The following PRDM1 variants were observed in gnomAD, a reference collection of about 807,000 sequenced individuals.
The protein encoded by PRDM1 is PR/SET domain 1.
A neutral mutation model predicts 62.8 loss-of-function variants in PRDM1; 13 were observed. The observed-to-expected ratio is 0.21, with a 90% CI of 0.13 to 0.33. PRDM1 has a LOEUF of 0.33. Ranked by LOEUF, PRDM1 falls within the 10% of genes least tolerant of loss-of-function variation. The pLI is 1.00. For synonymous variants in PRDM1, 396 were observed against 417.6 expected, an observed-to-expected ratio of 0.95 and a Z score of 0.63; for missense variants, 895 against 1,058.8, an observed-to-expected ratio of 0.85 and a Z score of 2.15.
rs2114662226 is a variant in PRDM1 at position 106,107,012 on chromosome 6, C to T, written c.2004C>T (p.Phe668=). Residue 668 remains phenylalanine, a synonymous_variant, in exon 7 of 7, where the codon TTC becomes TTT. Transcript: ENST00000369096. ...PYQCKVCPAK[F]TQFVHLKLHK... is the part of the protein sequence containing the mutation. ...AATGCAAGGTGTGCCCTGCCAAGTT[C>T]ACCCAGTTTGTGCACCTGAAACTGC... 6.2e-7 allele frequency: 1 copy of T among 1,614,202 alleles called. No individual in the cohort carries two copies. The highest frequency in any genetic ancestry group is 8.5e-7 in the Non-Finnish European group (1 of 1,180,052).
At chr6:106,024,943 AT>A (rs1397296538) in intron 1 of PRDM1, among the ~76,000 whole-genome samples, 2 of 152,160 alleles carry the variant, frequency 1.3e-5, no homozygotes, top group African/African-American at 4.8e-5. Context: ...GGTGTTGGGC[AT>A]TTGGCACTTG....
chr6:106,056,197 G>T (rs78237928), intron 1 of PRDM1, among the ~76,000 whole-genome samples: 1,995 of 152,208 alleles, frequency 0.013, 50 homozygotes, highest in African/African-American at 0.045. Flanking sequence ...GTATAGCCCA[G>T]CAGGACTTGG....
At chr6:106,104,361 G>A (rs1308061169) in intron 4 of PRDM1, among the ~76,000 whole-genome samples, 15 of 152,046 alleles carry the variant, frequency 9.9e-5, no homozygotes, top group African/African-American at 2.9e-4. Flanking sequence ...ACAGGTGTGC[G>A]CCACCACGCC....
intron 1 of PRDM1, among the ~76,000 whole-genome samples, chr6:106,073,665 C>A (rs1389615748): frequency 6.6e-6 from 1 of 152,112 alleles, no homozygotes; most frequent in Admixed American, 6.5e-5. Context: ...AAGATCACAA[C>A]TTAGTAAGTG....
chr6:106,056,820 C>A (rs1562155083), intron 1 of PRDM1, among the ~76,000 whole-genome samples: 1 of 152,174 alleles, frequency 6.6e-6, no homozygotes, highest in Non-Finnish European at 1.5e-5. Context: ...TATTCAGCCT[C>A]CTCAGTTCTG....
intron 1 of PRDM1, among the ~76,000 whole-genome samples, chr6:106,070,964 A>G (rs1427499709): frequency 2.6e-5 from 4 of 152,206 alleles, no homozygotes; most frequent in African/African-American, 9.6e-5. Flanking sequence ...TGTTTGAACC[A>G]TCTACATTAA....
intron 1 of PRDM1, among the ~76,000 whole-genome samples, chr6:106,033,818 G>T (rs563694707): frequency 6.6e-6 from 1 of 151,964 alleles, no homozygotes; most frequent in Admixed American, 6.5e-5. Flanking sequence ...AGAAGAATTG[G>T]TGTTAGTTCT....
chr6:106,080,696 C>CA (rs1270501402), intron 1 of PRDM1, among the ~76,000 whole-genome samples: 2 of 152,178 alleles, frequency 1.3e-5, no homozygotes, highest in African/African-American at 4.8e-5. Flanking sequence ...ATCATGGTGG[C>CA]AGTACACATC....
At chr6:106,027,649 G>A (rs1032080297) in intron 1 of PRDM1, among the ~76,000 whole-genome samples, 1 of 152,162 alleles carries the variant, frequency 6.6e-6, no homozygotes, top group African/African-American at 2.4e-5. Context: ...GGGAGAGAAT[G>A]AGAGTGGATC....
chr6:106,092,560 C>T (rs1773994168), intron 2 of PRDM1, among the ~76,000 whole-genome samples: 1 of 152,218 alleles, frequency 6.6e-6, no homozygotes, highest in Non-Finnish European at 1.5e-5. Context: ...TTAAGCTACA[C>T]ACCAAGTTCC....
chr6:106,057,572 T>C (rs1773284823), intron 1 of PRDM1, among the ~76,000 whole-genome samples: 1 of 152,194 alleles, frequency 6.6e-6, no homozygotes, highest in African/African-American at 2.4e-5. Flanking sequence ...AATCTACTGG[T>C]TTACTGCACA....
At chr6:106,084,575 A>G (rs1308109105), upstream of PRDM1, among the ~76,000 whole-genome samples, 1 of 152,168 alleles carries the variant, frequency 6.6e-6, no homozygotes, top group African/African-American at 2.4e-5. Flanking sequence ...TTGATTCTAA[A>G]AGGGAAGTGA....
intron 1 of PRDM1, among the ~76,000 whole-genome samples, chr6:105,998,933 A>ATATTT (rs1290453454): frequency 1.9e-3 from 12 of 6,354 alleles, no homozygotes; most frequent in South Asian, 6.5e-3. Flanking sequence ...ATATATATAT[A>ATATTT]TTTTTTTTTT....
intron 1 of PRDM1, among the ~76,000 whole-genome samples, chr6:106,048,939 C>T (rs1319067822): frequency 6.6e-6 from 1 of 152,010 alleles, no homozygotes; most frequent in Non-Finnish European, 1.5e-5. Flanking sequence ...AGCAATTCTC[C>T]TGAGTAGCTG....
chr6:106,030,784 C>T (rs770686863), intron 1 of PRDM1, among the ~76,000 whole-genome samples: 1 of 152,150 alleles, frequency 6.6e-6, no homozygotes, highest in African/African-American at 2.4e-5. Flanking sequence ...GCTAAAAAGA[C>T]TTTCCATTCC....
At chr6:106,080,932 G>A (rs1225690891) in intron 1 of PRDM1, among the ~76,000 whole-genome samples, 2 of 152,156 alleles carry the variant, frequency 1.3e-5, no homozygotes, top group African/African-American at 4.8e-5. Flanking sequence ...GCTTCCCCGG[G>A]GTGCCTGCTT....
chr6:106,086,562 T>C lies in PRDM1; in HGVS notation c.9T>C (p.Asp3=), dbSNP rs1171452739. 6.4e-7 allele frequency: 1 copy of C among 1,551,736 alleles called. No individual in the cohort carries two copies. Among genetic ancestry groups the C allele is most frequent in the Admixed American group, 2.0e-5 (1 of 50,966 alleles). The change falls in exon 1 of 7, where the codon GAT becomes GAC. Residue 3 remains aspartate, a synonymous_variant. Coordinates refer to ENST00000369096, the MANE Select transcript of PRDM1 (RefSeq NM_001198.4). ...AACGAGACTTTTCTCAGATGTTGGA[T>C]ATTTGCTTGGAAAAACGTGTGGGTA... ML[D]ICLEKRVGTT...
chr6:106,032,621 A>G (rs1342064622), intron 1 of PRDM1, among the ~76,000 whole-genome samples: 1 of 151,898 alleles, frequency 6.6e-6, no homozygotes, highest in Admixed American at 6.6e-5. Context: ...TATTTTTAGT[A>G]GAGATGGGGT....
intron 2 of PRDM1, among the ~76,000 whole-genome samples, chr6:106,092,679 AG>A: frequency 6.6e-6 from 1 of 152,320 alleles, no homozygotes; most frequent in South Asian, 2.1e-4. Context: ...AGGGAGACTT[AG>A]TACTTGGTTT....
Sources: allele counts gnomAD v4.1 joint callset (sites outside exome capture counted in the v4.1 genomes callset), GRCh38; gene constraint gnomAD v4.1.1; transcripts MANE v1.5; gene names NCBI Gene and HGNC (gene_info 2026-07-23, HGNC 2026-07-21).